Variants in SGCZ observed in about 807,000 individuals in gnomAD.
The protein encoded by SGCZ is zeta-sarcoglycan.
A neutral mutation model predicts 41.3 loss-of-function variants in SGCZ; 40 were observed. That is an observed-to-expected ratio of 0.97 (90% CI 0.75 to 1.26). The LOEUF (loss-of-function observed/expected upper bound fraction) is 1.26, where lower values mean the gene tolerates loss of function less well. Among genes scored for constraint, SGCZ ranks in the 50% most tolerant of loss-of-function variants. SGCZ has a pLI of 0.00. For missense variants in SGCZ, 552 were observed against 369.8 expected, an observed-to-expected ratio of 1.49 and a Z score of -4.04; for synonymous variants, 206 against 137.5, an observed-to-expected ratio of 1.50 and a Z score of -3.49.
chr8:14,697,448 T>C (rs1459294026), intron 1 of SGCZ, among the ~76,000 whole-genome samples: 1 of 152,112 alleles, frequency 6.6e-6, no homozygotes, highest in Admixed American at 6.6e-5. Context: ...ATTATTTCAC[T>C]TACAATACAT....
At chr8:15,169,203 T>C (rs1350449825) in intron 1 of SGCZ, among the ~76,000 whole-genome samples, 1 of 152,130 alleles carries the variant, frequency 6.6e-6, no homozygotes, top group Non-Finnish European at 1.5e-5. Context: ...GCAGTTAAGA[T>C]TGGTCTTCGC....
In SGCZ at chr8:14,561,810, A is replaced by AT. The variant is rs538476519; in HGVS notation, c.40-6885dup. Among the ~76,000 whole-genome samples the AT allele has an allele frequency of 7.7e-4, 118 of 152,268 alleles. 1 individual carries two copies. The highest frequency in any genetic ancestry group is 2.7e-3 in the African/African-American group (112 of 41,570). On this transcript the variant is annotated intron_variant, in intron 1 of 7. Coordinates refer to ENST00000382080, the MANE Select transcript of SGCZ (RefSeq NM_139167.4). Reference sequence around the variant, plus strand: ...AAAGGAATACACTTTCCAACGCAGTATTTTATCTAATAATGTAAATAACAT... The same window carrying AT: ...AAAGGAATACACTTTCCAACGCAGTATTTTTATCTAATAATGTAAATAACAT...
At chr8:15,029,496 A>G (rs1391577866) in intron 1 of SGCZ, among the ~76,000 whole-genome samples, 2 of 152,140 alleles carry the variant, frequency 1.3e-5, no homozygotes, top group African/African-American at 2.4e-5. Context: ...GAAAGTTAGT[A>G]TGTTAACTAC....
At chr8:14,899,808 A>G (rs116580830) in intron 1 of SGCZ, among the ~76,000 whole-genome samples, 1,681 of 152,104 alleles carry the variant, frequency 0.011, 27 homozygotes, top group African/African-American at 0.038. Context: ...AAGGGAGAAA[A>G]GTGAAAAGAA....
intron 1 of SGCZ, among the ~76,000 whole-genome samples, chr8:15,101,169 C>T (rs972259017): frequency 2.0e-5 from 3 of 152,094 alleles, no homozygotes; most frequent in African/African-American, 4.8e-5. Flanking sequence ...ACAGGAAAAG[C>T]TCCAGGTGAC....
At chr8:14,501,497 C>G (rs1464359508) in intron 2 of SGCZ, among the ~76,000 whole-genome samples, 1 of 151,822 alleles carries the variant, frequency 6.6e-6, no homozygotes, top group Non-Finnish European at 1.5e-5. Context: ...TGTATTTTAG[C>G]TCTTATAATT....
At chr8:14,581,927 AGAGT>A (rs1804903073) in intron 1 of SGCZ, among the ~76,000 whole-genome samples, 2 of 152,178 alleles carry the variant, frequency 1.3e-5, no homozygotes, top group Admixed American at 6.6e-5. Flanking sequence ...ACTAAAAGTT[AGAGT>A]GAGTGTGCCT....
At chr8:15,005,341 T>C (rs1802572972) in intron 1 of SGCZ, among the ~76,000 whole-genome samples, 1 of 149,520 alleles carries the variant, frequency 6.7e-6, no homozygotes, top group Admixed American at 6.7e-5. Flanking sequence ...TTTTTTTTTT[T>C]TTTTTTTGAC....
intron 2 of SGCZ, among the ~76,000 whole-genome samples, chr8:14,435,263 A>T (rs772696376): frequency 2.6e-5 from 4 of 152,170 alleles, no homozygotes; most frequent in African/African-American, 9.7e-5. Flanking sequence ...TTTGCCTTGA[A>T]TGTTCAACAT....
intron 1 of SGCZ, among the ~76,000 whole-genome samples, chr8:15,151,726 C>T (rs1216936305): frequency 6.6e-6 from 1 of 152,140 alleles, no homozygotes; most frequent in Non-Finnish European, 1.5e-5. Context: ...AGAAAAAATA[C>T]TGATGCCTCA....
At chr8:14,286,649 G>C (rs898542011) in intron 3 of SGCZ, among the ~76,000 whole-genome samples, 1 of 151,990 alleles carries the variant, frequency 6.6e-6, no homozygotes, top group African/African-American at 2.4e-5. Flanking sequence ...TTTAATGAAA[G>C]CACTAACATT....
chr8:14,323,168 G>C (rs903897739), intron 3 of SGCZ, among the ~76,000 whole-genome samples: 5 of 151,972 alleles, frequency 3.3e-5, no homozygotes, highest in African/African-American at 1.2e-4. Flanking sequence ...TGTTTTATGA[G>C]AAGCAATCCT....
At chr8:14,199,286 T>G (rs1585223945) in intron 4 of SGCZ, among the ~76,000 whole-genome samples, 1 of 152,168 alleles carries the variant, frequency 6.6e-6, no homozygotes, top group Admixed American at 6.5e-5. Context: ...CTGTCTCCCA[T>G]AGCACTCCCA....
intron 1 of SGCZ, among the ~76,000 whole-genome samples, chr8:14,646,679 G>C (rs950460576): frequency 3.3e-5 from 5 of 151,838 alleles, no homozygotes; most frequent in Non-Finnish European, 7.4e-5. Flanking sequence ...TAAAATACAA[G>C]TATTTTGTCT....
At chr8:14,537,344 A>G (rs1380416114) in intron 2 of SGCZ, among the ~76,000 whole-genome samples, 1 of 151,878 alleles carries the variant, frequency 6.6e-6, no homozygotes, top group Non-Finnish European at 1.5e-5. Flanking sequence ...TATGACAACC[A>G]CATTTCCACT....
rs1802203018 is a variant in SGCZ, at chr8:14,824,014, T to C, written c.40-269088A>G. ...TAAATACTGCAGGGTATTGCTTATATATAGAATCTAAAGGGAAAAAAAAAG... is the reference window on the plus strand; with the variant it reads ...TAAATACTGCAGGGTATTGCTTATACATAGAATCTAAAGGGAAAAAAAAAG... On this transcript the variant is annotated intron_variant, in intron 1 of 7. Coordinates refer to ENST00000382080, the MANE Select transcript of SGCZ (RefSeq NM_139167.4). Among the ~76,000 whole-genome samples, 4 of 149,784 alleles carry C rather than the reference T, an allele frequency of 2.7e-5. No homozygotes were observed. In the South Asian group the frequency reaches 6.4e-4, roughly 24 times the overall value.
intron 3 of SGCZ, among the ~76,000 whole-genome samples, chr8:14,285,690 T>C (rs889182286): frequency 6.6e-6 from 1 of 152,082 alleles, no homozygotes; most frequent in African/African-American, 2.4e-5. Flanking sequence ...GAATAGTGGA[T>C]AGTTGTACAG....
At chr8:14,407,611 A>T (rs1799246549) in intron 2 of SGCZ, among the ~76,000 whole-genome samples, 1 of 152,198 alleles carries the variant, frequency 6.6e-6, no homozygotes, top group Non-Finnish European at 1.5e-5. Context: ...ATGATATAAA[A>T]ATATAATTCA....
rs73664408 is a variant in SGCZ, at chr8:14,609,440, A to T, written c.40-54514T>A. 2.2e-3 allele frequency among the ~76,000 whole-genome samples: 332 copies of T among 152,298 alleles called. 2 individuals are homozygous for T. The highest frequency in any genetic ancestry group is 7.5e-3 in the African/African-American group (313 of 41,566). ...ATTCTTGAAAGGAAGATGTTAGGCA[A>T]GTAATATAATTTCTTGAAAAAAAGT... On this transcript the variant is annotated intron_variant, in intron 1 of 7. Coordinates refer to ENST00000382080, the MANE Select transcript of SGCZ (RefSeq NM_139167.4).
Sources: gnomAD v4.1 joint callset for allele counts (sites outside exome capture counted in the v4.1 genomes callset) on GRCh38, gnomAD v4.1.1 for gene constraint, MANE v1.5 for transcripts, NCBI Gene and HGNC (gene_info 2026-07-23, HGNC 2026-07-21) for gene names.